Variants in STIMATE observed in about 807,000 individuals in gnomAD.
STIMATE encodes the protein store-operated calcium entry regulator STIMATE.
A neutral mutation model predicts 36.7 loss-of-function variants in STIMATE; 15 were observed. The observed-to-expected ratio is 0.41, with a 90% CI of 0.27 to 0.63. The LOEUF (loss-of-function observed/expected upper bound fraction) is 0.63. Among genes scored for constraint, STIMATE ranks in the 20% least tolerant of loss-of-function variants. The pLI is 0.32. For synonymous variants in STIMATE, 163 were observed against 162.3 expected (o/e 1.00, Z -0.03); for missense variants, 305 against 397.3 (o/e 0.77, Z 1.98).
chr3:52,840,757 T>C lies in STIMATE; in HGVS notation c.769-147A>G, dbSNP rs1368803676. 381 of 718,460 alleles carry C rather than the reference T, an allele frequency of 5.3e-4. 5 individuals are homozygous for C. Among genetic ancestry groups the C allele is most frequent in the Non-Finnish European group, 9.9e-5 (45 of 455,006 alleles). The allele number at this position is 718,460 out of a possible 1,614,324, so 44.5% of individuals were successfully genotyped here. A position where few individuals can be genotyped will look rare whatever the true frequency, so the allele number is the denominator to read the frequency against. On this transcript the variant is annotated intron_variant, in intron 7 of 7. Coordinates refer to ENST00000355083, the MANE Select transcript of STIMATE (RefSeq NM_198563.5). ...CCCTGTCACCCAGGCTAGAGTGCAA[T>C]GGCACGATCTCGCCTCACTGCAACC...
chr3:52,875,179 T>C (rs1701480512), intron 1 of STIMATE, among the ~76,000 whole-genome samples: 1 of 152,228 alleles, frequency 6.6e-6, no homozygotes, highest in Non-Finnish European at 1.5e-5. Flanking sequence ...CTTTTTTGTA[T>C]TCCCCAGTTT....
chr3:52,862,983 A>C (rs1464536474), intron 1 of STIMATE, among the ~76,000 whole-genome samples: 1 of 152,180 alleles, frequency 6.6e-6, no homozygotes, highest in Non-Finnish European at 1.5e-5. Context: ...CAGAAGCTGA[A>C]AGAGGCAAAA....
At chr3:52,860,698 C>T (rs892835543) in intron 1 of STIMATE, among the ~76,000 whole-genome samples, 2 of 152,162 alleles carry the variant, frequency 1.3e-5, no homozygotes, top group Admixed American at 6.5e-5. Flanking sequence ...TGGCACTGAC[C>T]GGGGCAATAG....
intron 1 of STIMATE, among the ~76,000 whole-genome samples, chr3:52,877,346 A>G (rs1020551346): frequency 1.3e-5 from 2 of 152,214 alleles, no homozygotes; most frequent in African/African-American, 4.8e-5. Context: ...AAGTGGCACA[A>G]TGTTAGGAAG....
chr3:52,837,689 C>T lies in STIMATE; in HGVS notation c.*2805G>A, dbSNP rs1012307885. 2.0e-5 allele frequency: 3 copies of T among 152,392 alleles called. No individual in the cohort carries two copies. Among genetic ancestry groups the T allele is most frequent in the African/African-American group, 7.2e-5 (3 of 41,590 alleles). The allele number at this position is 152,392 out of a possible 1,614,324, so 9.4% of individuals were successfully genotyped here. The stretch of plus-strand genomic sequence containing the variant: ...GACCTTGACTTGCAAGGTTCCACCA[C>T]AGGTGGCTTGGCTGAGGTCCAGATT... On this transcript the variant is annotated 3_prime_UTR_variant, in exon 8 of 8. Coordinates refer to ENST00000355083, the MANE Select transcript of STIMATE (RefSeq NM_198563.5).
intron 1 of STIMATE, among the ~76,000 whole-genome samples, chr3:52,887,890 G>A (rs1200043005): frequency 6.7e-6 from 1 of 148,350 alleles, no homozygotes; most frequent in East Asian, 2.1e-4. Context: ...ATTAGTAAAT[G>A]ATTTATTTAA....
chr3:52,860,251 T>C (rs930727996), intron 1 of STIMATE, among the ~76,000 whole-genome samples: 4 of 150,812 alleles, frequency 2.7e-5, no homozygotes, highest in Admixed American at 6.6e-5. Context: ...CACACCCTAG[T>C]AGGGAGAGGA....
intron 1 of STIMATE, among the ~76,000 whole-genome samples, chr3:52,883,972 T>C (rs1701650869): frequency 2.0e-5 from 3 of 152,194 alleles, no homozygotes; most frequent in Non-Finnish European, 1.5e-5. Context: ...AATTGTTGAT[T>C]GGGGCTATAC....
At chr3:52,887,407 T>C (rs2106728864) in intron 1 of STIMATE, among the ~76,000 whole-genome samples, 1 of 152,330 alleles carries the variant, frequency 6.6e-6, no homozygotes, top group African/African-American at 2.4e-5. Flanking sequence ...AGAGGCCTAT[T>C]CTGTACCACA....
intron 4 of STIMATE, among the ~76,000 whole-genome samples, chr3:52,849,467 A>G (rs969117838): frequency 6.6e-6 from 1 of 152,240 alleles, no homozygotes; most frequent in African/African-American, 2.4e-5. Flanking sequence ...AGCTTGGCAG[A>G]ACGAAGAGTC....
chr3:52,870,642 C>T (rs565591999), intron 1 of STIMATE, among the ~76,000 whole-genome samples: 1 of 151,596 alleles, frequency 6.6e-6, no homozygotes, highest in South Asian at 2.1e-4. Flanking sequence ...TGGTGTCCTG[C>T]TGCGCGGGCA....
intron 1 of STIMATE, among the ~76,000 whole-genome samples, chr3:52,863,577 AATCAATTATGCC>A: frequency 7.1e-6 from 1 of 141,380 alleles, no homozygotes; most frequent in African/African-American, 2.6e-5. Context: ...CACATTTCAA[AATCAATTATGCC>A]ATCTTAACAG....
intron 1 of STIMATE, among the ~76,000 whole-genome samples, chr3:52,870,850 A>G (rs1701390796): frequency 6.6e-6 from 1 of 152,118 alleles, no homozygotes; most frequent in Non-Finnish European, 1.5e-5. Context: ...TGCTGAGGTC[A>G]GGGGTCACTA....
intron 1 of STIMATE, among the ~76,000 whole-genome samples, chr3:52,886,939 A>G (rs1455983215): frequency 1.3e-5 from 2 of 152,246 alleles, no homozygotes; most frequent in Non-Finnish European, 2.9e-5. Flanking sequence ...CCAATCTGGG[A>G]CATTTTACAG....
rs1370988464 is a variant in STIMATE at position 52,897,439 on chromosome 3, G to A, written c.12C>T (p.Pro4=). 1.4e-6 allele frequency: 2 copies of A among 1,427,506 alleles called. No homozygotes were observed. The highest frequency in any genetic ancestry group is 2.9e-5 in the South Asian group (2 of 68,610). 88.4% of individuals were successfully genotyped at this position (1,427,506 alleles called of 1,614,324 possible). Residue 4 remains proline, a synonymous_variant, in exon 1 of 8, where the codon CCC becomes CCT. Transcript: ENST00000355083. Reference sequence around the variant, plus strand: ...GCAGTCCCCGGCTCGCGTTCCCGGCGGGGCCCTGCATGACAGGCCTCGCGG... The same window carrying A: ...GCAGTCCCCGGCTCGCGTTCCCGGCAGGGCCCTGCATGACAGGCCTCGCGG... MQG[P]AGNASRGLPG...
intron 1 of STIMATE, among the ~76,000 whole-genome samples, chr3:52,869,560 C>T (rs1302988846): frequency 6.6e-6 from 1 of 152,202 alleles, no homozygotes; most frequent in African/African-American, 2.4e-5. Flanking sequence ...CCTGGGTCCC[C>T]AAAGTCTCTT....
chr3:52,853,483 T>G (rs572108353), intron 2 of STIMATE, among the ~76,000 whole-genome samples: 8 of 152,354 alleles, frequency 5.3e-5, no homozygotes, highest in African/African-American at 1.9e-4. Flanking sequence ...AGGCACCTCT[T>G]GGTCATGGCT....
At chr3:52,845,400 T>C (rs533112761) in intron 4 of STIMATE, among the ~76,000 whole-genome samples, 9 of 152,304 alleles carry the variant, frequency 5.9e-5, no homozygotes, top group Non-Finnish European at 7.4e-5. Context: ...GTCGCTTTGT[T>C]TGTCTCCCAC....
intron 1 of STIMATE, among the ~76,000 whole-genome samples, chr3:52,894,472 C>T (rs971376440): frequency 1.3e-5 from 2 of 152,212 alleles, no homozygotes; most frequent in Non-Finnish European, 2.9e-5. Flanking sequence ...ATGAGAAATT[C>T]TTGCAGAACC....
Sources: gnomAD v4.1 joint callset for allele counts (sites outside exome capture counted in the v4.1 genomes callset) on GRCh38, gnomAD v4.1.1 for gene constraint, MANE v1.5 for transcripts, NCBI Gene and HGNC (gene_info 2026-07-23, HGNC 2026-07-21) for gene names.